SGCD: variants seen among roughly 807,000 people sequenced by gnomAD.
SGCD encodes the protein sarcoglycan delta.
SGCD carries 18 observed loss-of-function variants against 36.6 expected under a neutral mutation model. The observed-to-expected ratio is 0.49, with a 90% CI of 0.34 to 0.73. The LOEUF (loss-of-function observed/expected upper bound fraction) is 0.73, where lower values mean the gene tolerates loss of function less well. SGCD is among the 30% of genes least tolerant of loss of function. SGCD has a pLI of 0.01. For missense variants in SGCD, 387 were observed against 346.7 expected (o/e 1.12, Z -0.92); for synonymous variants, 133 against 130.6 (o/e 1.02, Z -0.12).
the SGCD span, among the ~76,000 whole-genome samples, chr5:155,818,076 A>G: frequency 6.6e-6 from 1 of 152,222 alleles, no homozygotes; most frequent in Non-Finnish European, 1.5e-5. Flanking sequence ...GCCGAGAAGA[A>G]TACTAAAGTG....
At chr5:156,498,903 A>G (rs1756321133) in intron 3 of SGCD, among the ~76,000 whole-genome samples, 2 of 151,232 alleles carry the variant, frequency 1.3e-5, no homozygotes, top group African/African-American at 4.9e-5. Context: ...AAAGTACATG[A>G]TATTTCCAGG....
At chr5:156,111,928 G>T (rs1761797718) in intron 1 of SGCD, among the ~76,000 whole-genome samples, 1 of 152,144 alleles carries the variant, frequency 6.6e-6, no homozygotes, top group East Asian at 1.9e-4. Flanking sequence ...ACAGGCACGT[G>T]CTGCCATGCC....
At chr5:155,926,565 A>T (rs1757000919) in intron 1 of SGCD, among the ~76,000 whole-genome samples, 1 of 152,236 alleles carries the variant, frequency 6.6e-6, no homozygotes, top group Non-Finnish European at 1.5e-5. Flanking sequence ...AAGATATCCT[A>T]TAGTCCAATA....
chr5:155,978,444 C>T (rs1489014502), intron 1 of SGCD, among the ~76,000 whole-genome samples: 3 of 152,346 alleles, frequency 2.0e-5, no homozygotes, highest in South Asian at 4.1e-4. Flanking sequence ...AATGAAAACA[C>T]AGGCCATAGT....
rs1449901996 is a variant in SGCD at position 156,106,891 on chromosome 5, A to G, written c.-281-10987A>G. On this transcript the variant is annotated intron_variant, in intron 1 of 9. Coordinates refer to the SGCD transcript ENST00000517913. The stretch of plus-strand genomic sequence containing the variant: ...GTGATGCATTATTTTAGTGTATCCA[A>G]TATCATAAGGGTGACTTAAATTCTT... Among the ~76,000 whole-genome samples the G allele has an allele frequency of 3.3e-5, 5 of 152,154 alleles. No homozygotes were observed. The East Asian group carries it at 7.7e-4, about 23-fold the overall frequency.
At chr5:155,739,423 G>C in the SGCD span, among the ~76,000 whole-genome samples, 1 of 152,210 alleles carries the variant, frequency 6.6e-6, no homozygotes, top group Non-Finnish European at 1.5e-5. Context: ...GGTGGTAGGG[G>C]AGGGCTGTTG....
chr5:156,254,136 A>G (rs1765651787), intron 3 of SGCD, among the ~76,000 whole-genome samples: 1 of 152,196 alleles, frequency 6.6e-6, no homozygotes, highest in South Asian at 2.1e-4. Flanking sequence ...ATTGTTGACT[A>G]ATACACTGAT....
At chr5:156,000,713 T>A (rs1758645971) in intron 1 of SGCD, among the ~76,000 whole-genome samples, 1 of 152,032 alleles carries the variant, frequency 6.6e-6, no homozygotes, top group Non-Finnish European at 1.5e-5. Context: ...GTTCTGCCTT[T>A]AGACCAGACC....
At chr5:155,746,118 T>C in the SGCD span, among the ~76,000 whole-genome samples, 15 of 152,140 alleles carry the variant, frequency 9.9e-5, no homozygotes, top group Admixed American at 6.5e-4. Flanking sequence ...CAGCAAGTTG[T>C]AGAATATTCA....
chr5:156,159,766 C>T (rs1017434217), intron 3 of SGCD, among the ~76,000 whole-genome samples: 2 of 151,580 alleles, frequency 1.3e-5, no homozygotes, highest in Non-Finnish European at 2.9e-5. Context: ...ATTTTTCTTA[C>T]ATAATTGAAA....
intron 3 of SGCD, among the ~76,000 whole-genome samples, chr5:156,437,285 T>C (rs749453809): frequency 6.6e-6 from 1 of 152,184 alleles, no homozygotes; most frequent in Non-Finnish European, 1.5e-5. Flanking sequence ...TTATTTTAGT[T>C]GGATTCTGTC....
rs569209843 is a variant in SGCD at position 156,372,636 on chromosome 5, G to T, written c.192+27959G>T. 2.8e-4 allele frequency among the ~76,000 whole-genome samples: 43 copies of T among 152,152 alleles called. No individual in the cohort carries two copies. The South Asian group carries it at 8.3e-3, about 29-fold the overall frequency. ...CAACCAAAATATTTGTTCCTTGAAG[G>T]CAGGGCTAGCAATTTATTCAGAATA... On this transcript the variant is annotated intron_variant, in intron 3 of 8. Coordinates refer to ENST00000337851, the MANE Select transcript of SGCD (RefSeq NM_000337.6).
chr5:155,970,257 C>T (rs1757982616), intron 1 of SGCD, among the ~76,000 whole-genome samples: 1 of 152,106 alleles, frequency 6.6e-6, no homozygotes, highest in Non-Finnish European at 1.5e-5. Flanking sequence ...TCCAGATGAC[C>T]ACATCTCTCC....
At chr5:156,203,878 T>C (rs1338171723) in intron 3 of SGCD, among the ~76,000 whole-genome samples, 1 of 152,028 alleles carries the variant, frequency 6.6e-6, no homozygotes, top group East Asian at 1.9e-4. Flanking sequence ...AAACCAATGA[T>C]TGAGTTTGTA....
chr5:155,914,603 T>C (rs1335008710), intron 1 of SGCD, among the ~76,000 whole-genome samples: 1 of 152,226 alleles, frequency 6.6e-6, no homozygotes, highest in African/African-American at 2.4e-5. Flanking sequence ...TAACCTATTT[T>C]CTGCTGTATA....
chr5:156,206,750 G>A (rs1764289920), intron 3 of SGCD, among the ~76,000 whole-genome samples: 1 of 151,922 alleles, frequency 6.6e-6, no homozygotes, highest in Non-Finnish European at 1.5e-5. Flanking sequence ...TCAAGGAAGG[G>A]CTGCTTCTTT....
Position 156,733,953 on chromosome 5 carries a change from T to C in SGCD, c.576-23628T>C, listed in dbSNP as rs552990052. On this transcript the variant is annotated intron_variant, in intron 7 of 8. Coordinates refer to ENST00000337851, the MANE Select transcript of SGCD (RefSeq NM_000337.6). ...TCTGTATTCATACATGTGTATTTGA[T>C]CCTCTCATCATGATCTTAGCGGGTT... Among the ~76,000 whole-genome samples the C allele has an allele frequency of 2.6e-5, 4 of 152,262 alleles. No individual in the cohort carries two copies. The South Asian group carries it at 8.3e-4, about 32-fold the overall frequency.
chr5:156,447,161 C>T (rs1357750788), intron 3 of SGCD, among the ~76,000 whole-genome samples: 2 of 152,156 alleles, frequency 1.3e-5, no homozygotes, highest in Non-Finnish European at 2.9e-5. Flanking sequence ...ACAGATTCTT[C>T]AGTGAGATTA....
chr5:155,769,714 C>A, the SGCD span, among the ~76,000 whole-genome samples: 3 of 151,364 alleles, frequency 2.0e-5, no homozygotes, highest in African/African-American at 7.4e-5. Flanking sequence ...CATTGTCATT[C>A]TTTCCTTTTT....
Sources: gnomAD v4.1 joint callset for allele counts (sites outside exome capture counted in the v4.1 genomes callset) on GRCh38, gnomAD v4.1.1 for gene constraint, MANE v1.5 for transcripts, NCBI Gene and HGNC (gene_info 2026-07-23, HGNC 2026-07-21) for gene names.